Variants in ANO6 observed in about 807,000 individuals in gnomAD.
The protein encoded by ANO6 is anoctamin 6, also known as anoctamin-6.
ANO6 carries 106 observed loss-of-function variants against 117.5 expected under a neutral mutation model. That is an observed-to-expected ratio of 0.90 (90% CI 0.77 to 1.06). The LOEUF (loss-of-function observed/expected upper bound fraction) is 1.06, where lower values mean the gene tolerates loss of function less well. Among genes scored for constraint, ANO6 ranks in the 50% least tolerant of loss-of-function variants. The pLI is 0.00. For missense variants in ANO6, 955 were observed against 1,121.1 expected (o/e 0.85, Z 2.12); for synonymous variants, 367 against 385.1 (o/e 0.95, Z 0.55).
intron 2 of ANO6, among the ~76,000 whole-genome samples, chr12:45,330,586 G>T (rs1291525912): frequency 6.6e-6 from 1 of 151,990 alleles, no homozygotes; most frequent in African/African-American, 2.4e-5. Context: ...TTTTGTATTT[G>T]GTCTCTGTTC....
At chr12:45,262,650 C>T (rs1938078906) in intron 1 of ANO6, among the ~76,000 whole-genome samples, 2 of 152,098 alleles carry the variant, frequency 1.3e-5, no homozygotes, top group South Asian at 2.1e-4. Flanking sequence ...TCTCAAACTC[C>T]CAACCTCAGG....
Position 45,327,453 on chromosome 12 carries a change from G to A in ANO6, c.151-3842G>A, listed in dbSNP as rs187882550. Among the ~76,000 whole-genome samples the A allele has an allele frequency of 2.0e-5, 3 of 152,256 alleles. No individual in the cohort carries two copies. In the East Asian group the frequency reaches 5.8e-4, roughly 29 times the overall value. On this transcript the variant is annotated intron_variant, in intron 2 of 19. Transcript: ENST00000320560. The stretch of plus-strand genomic sequence containing the variant: ...TCTGGAATTTAGTAATTGAACATGT[G>A]CACAGATACATATGTACAAAGATGC...
chr12:45,404,898 C>T (rs1942893196), intron 15 of ANO6, among the ~76,000 whole-genome samples: 1 of 152,054 alleles, frequency 6.6e-6, no homozygotes, highest in Non-Finnish European at 1.5e-5. Context: ...CTTTTTTCTC[C>T]CCAGTCACCA....
intron 1 of ANO6, among the ~76,000 whole-genome samples, chr12:45,255,246 CATT>C (rs767020796): frequency 1.3e-5 from 2 of 152,182 alleles, no homozygotes; most frequent in Non-Finnish European, 2.9e-5. Flanking sequence ...GATTAGTCAT[CATT>C]AGCGCATGCT....
intron 1 of ANO6, among the ~76,000 whole-genome samples, chr12:45,218,667 T>C (rs1947352396): frequency 6.6e-6 from 1 of 152,202 alleles, no homozygotes; most frequent in Admixed American, 6.5e-5. Flanking sequence ...AGAATAAGCC[T>C]TTTTAAAGAT....
At chr12:45,425,106 C>A (rs1489679413) in intron 19 of ANO6, among the ~76,000 whole-genome samples, 1 of 151,842 alleles carries the variant, frequency 6.6e-6, no homozygotes, top group Non-Finnish European at 1.5e-5. Flanking sequence ...AAGCAAGAAA[C>A]TAAAAATTAT....
intron 1 of ANO6, among the ~76,000 whole-genome samples, chr12:45,241,607 G>A (rs1162649722): frequency 6.6e-6 from 1 of 152,206 alleles, no homozygotes; most frequent in Non-Finnish European, 1.5e-5. Context: ...GTGAGGAACT[G>A]CGATCTTTTG....
intron 1 of ANO6, among the ~76,000 whole-genome samples, chr12:45,236,169 G>A (rs970295774): frequency 6.6e-6 from 1 of 152,182 alleles, no homozygotes; most frequent in Non-Finnish European, 1.5e-5. Flanking sequence ...TCTGTGAAGA[G>A]GTAACCTGTA....
At chr12:45,304,553 C>T (rs1289470698) in intron 2 of ANO6, among the ~76,000 whole-genome samples, 5 of 152,018 alleles carry the variant, frequency 3.3e-5, no homozygotes, top group African/African-American at 4.8e-5. Context: ...GGAGTTGAAC[C>T]GAAATAAAGC....
intron 1 of ANO6, among the ~76,000 whole-genome samples, chr12:45,293,749 T>G (rs12823713): frequency 8.0e-5 from 11 of 137,692 alleles, no homozygotes; most frequent in East Asian, 5.0e-4. Flanking sequence ...TTTTTTTTTT[T>G]TTTTTTTGTA....
At chr12:45,434,829 G>A (rs1474217994), downstream of ANO6, among the ~76,000 whole-genome samples, 1 of 152,138 alleles carries the variant, frequency 6.6e-6, no homozygotes, top group African/African-American at 2.4e-5. Flanking sequence ...TGGTGGTGGG[G>A]CAAATACAAC....
chr12:45,254,891 A>G (rs1180751761), intron 1 of ANO6, among the ~76,000 whole-genome samples: 1 of 152,128 alleles, frequency 6.6e-6, no homozygotes, highest in Non-Finnish European at 1.5e-5. Context: ...CTTTTATTTG[A>G]CTCTCAAAAC....
At chr12:45,434,431 T>C (rs551070091), downstream of ANO6, among the ~76,000 whole-genome samples, 2 of 152,300 alleles carry the variant, frequency 1.3e-5, no homozygotes, top group South Asian at 4.1e-4. Flanking sequence ...CCGCTGGGCT[T>C]TTTCTCCCCT....
intron 2 of ANO6, among the ~76,000 whole-genome samples, chr12:45,302,359 T>A (rs1189695689): frequency 6.6e-6 from 1 of 152,200 alleles, no homozygotes; most frequent in Non-Finnish European, 1.5e-5. Flanking sequence ...TAAAATAGCA[T>A]CTTGTTTCTG....
At chr12:45,324,394 G>T (rs1318876947) in intron 2 of ANO6, among the ~76,000 whole-genome samples, 1 of 152,196 alleles carries the variant, frequency 6.6e-6, no homozygotes, top group Non-Finnish European at 1.5e-5. Flanking sequence ...TCAACTGGTA[G>T]GAATCGTCAC....
chr12:45,385,800 T>C (rs1942283699), intron 10 of ANO6, among the ~76,000 whole-genome samples: 1 of 152,228 alleles, frequency 6.6e-6, no homozygotes, highest in Admixed American at 6.5e-5. Flanking sequence ...TGATCCTGAT[T>C]CCAACATCCA....
At chr12:45,264,469 A>G (rs1424803564) in intron 1 of ANO6, among the ~76,000 whole-genome samples, 3 of 152,142 alleles carry the variant, frequency 2.0e-5, no homozygotes, top group Non-Finnish European at 2.9e-5. Flanking sequence ...GTCCCTTTGG[A>G]TAATTTTTTG....
intron 1 of ANO6, among the ~76,000 whole-genome samples, chr12:45,250,962 C>T (rs1256183942): frequency 6.6e-6 from 1 of 151,580 alleles, no homozygotes; most frequent in Non-Finnish European, 1.5e-5. Flanking sequence ...TATCTCAGAA[C>T]TTTGGGAGGT....
chr12:45,293,729 G>GGTT (rs1349910751), intron 1 of ANO6, among the ~76,000 whole-genome samples: 4 of 48,418 alleles, frequency 8.3e-5, no homozygotes, highest in South Asian at 1.2e-3. Context: ...CCTGGCTAAT[G>GGTT]TTTTTTTTTT....
Sources: gnomAD v4.1 joint callset for allele counts (sites outside exome capture counted in the v4.1 genomes callset) on GRCh38, gnomAD v4.1.1 for gene constraint, MANE v1.5 for transcripts, NCBI Gene and HGNC (gene_info 2026-07-23, HGNC 2026-07-21) for gene names.